The following SORL1 variants were observed in gnomAD, a reference collection of about 807,000 sequenced individuals.
SORL1 encodes the protein sortilin related receptor 1.
A neutral mutation model predicts 273.7 loss-of-function variants in SORL1; 127 were observed. The ratio of observed to expected loss-of-function variants is 0.46; its 90% CI spans 0.40 to 0.54. The LOEUF (loss-of-function observed/expected upper bound fraction) is 0.54. Among genes scored for constraint, SORL1 ranks in the 20% least tolerant of loss-of-function variants. The pLI, the probability that SORL1 is intolerant of heterozygous loss-of-function variation, is 0.00. For missense variants in SORL1, 2,494 were observed against 2,846.1 expected (o/e 0.88, Z 2.81); for synonymous variants, 1,031 against 1,067.4 (o/e 0.97, Z 0.66).
chr11:121,616,781 T>C lies in SORL1; in HGVS notation c.5604+1726T>C, dbSNP rs188131213. 2.0e-5 allele frequency among the ~76,000 whole-genome samples: 3 copies of C among 152,380 alleles called. No homozygotes were observed. In the East Asian group the frequency reaches 5.8e-4, roughly 29 times the overall value. On this transcript the variant is annotated intron_variant, in intron 41 of 47. Coordinates refer to ENST00000260197, the MANE Select transcript of SORL1 (RefSeq NM_003105.6). ...TCTGTAAAATATATGAAAAGATTTA[T>C]TCTGAGCCAAATAGGAGTGACCATG...
At chr11:121,512,114 C>CT (rs1861889257) in intron 6 of SORL1, among the ~76,000 whole-genome samples, 1 of 152,122 alleles carries the variant, frequency 6.6e-6, no homozygotes, top group Non-Finnish European at 1.5e-5. Context: ...GAGTGGTGGA[C>CT]TTTCTTGAGA....
At chr11:121,574,593 C>T (rs556994555) in intron 24 of SORL1, among the ~76,000 whole-genome samples, 2 of 152,226 alleles carry the variant, frequency 1.3e-5, no homozygotes, top group African/African-American at 2.4e-5. Context: ...GAGACACTTG[C>T]GAACTGGGAC....
At chr11:121,538,976 C>G (rs971554324) in intron 12 of SORL1, among the ~76,000 whole-genome samples, 1 of 152,152 alleles carries the variant, frequency 6.6e-6, no homozygotes, top group African/African-American at 2.4e-5. Flanking sequence ...TGTGCCTGGC[C>G]CCGGCATTTA....
rs1862493709 is a variant in SORL1 at position 121,550,629 on chromosome 11, A to C, written c.2225A>C (p.Glu742Ala). 1 of 1,614,048 alleles carries C rather than the reference A, an allele frequency of 6.2e-7. No individual in the cohort carries two copies. The highest frequency in any genetic ancestry group is 1.3e-5 in the African/African-American group (1 of 74,938). ...GACACTTGTAGCGGAGGAGATGTTG[A>C]AGCGCGACTGGAAGGAGAGCTGGTC... ...SGDTCSGGDV[E>A]ARLEGELVPC... Residue 742 changes from glutamate (E) to alanine (A), a missense_variant, in exon 16 of 48, where the codon GAA becomes GCA. Physicochemically the swap from Glu to Ala is moderately radical, Grantham distance 107. Transcript: ENST00000260197. This position sits in a 1 kb window ranked among gnomAD's most constrained non-coding sequence, Gnocchi z 5.3.
At chr11:121,590,539 CTG>C in intron 30 of SORL1, 1 of 535,812 alleles carries the variant, frequency 1.9e-6, no homozygotes, top group Non-Finnish European at 3.3e-6. Context: ...CCCCCAGGTC[CTG>C]TGTGCTCCAC....
At chr11:121,591,922 C>T (rs1170332749) in intron 31 of SORL1, among the ~76,000 whole-genome samples, 2 of 152,188 alleles carry the variant, frequency 1.3e-5, no homozygotes, top group African/African-American at 4.8e-5. Flanking sequence ...CCCAGAAATT[C>T]TGATTCTATG....
At chr11:121,511,789 TGTTTGA>T (rs1159736920) in intron 6 of SORL1, among the ~76,000 whole-genome samples, 7 of 152,246 alleles carry the variant, frequency 4.6e-5, no homozygotes. Context: ...TTATGGGGCA[TGTTTGA>T]GCACAGGGTA....
intron 20 of SORL1, among the ~76,000 whole-genome samples, 174 bp from the exon 21 acceptor site, chr11:121,559,345 A>G (rs1862638876): frequency 6.6e-6 from 1 of 152,162 alleles, no homozygotes; most frequent in African/African-American, 2.4e-5. Context: ...GTGGGGTTAT[A>G]TGGTGAGGTT....
chr11:121,480,064 G>A (rs1861348871), intron 3 of SORL1, among the ~76,000 whole-genome samples: 1 of 152,162 alleles, frequency 6.6e-6, no homozygotes, highest in South Asian at 2.1e-4. Flanking sequence ...GCCCTGACCA[G>A]GGTCCAGCTC....
In SORL1 at chr11:121,618,926, G is replaced by A. The variant is rs943757133; in HGVS notation, c.5724+33G>A. 13 of 1,612,966 alleles carry A rather than the reference G, an allele frequency of 8.1e-6. No homozygotes were observed. In the African/African-American group the frequency reaches 9.4e-5, roughly 12 times the overall value. ...TCCCATACCGTTTCAGTTTTTTAAG[G>A]GATGTCTTAAGTCCTGGGCTCTGGT... On this transcript the variant is annotated intron_variant, in intron 42 of 47. Transcript: ENST00000260197.
rs559597255 is a variant in SORL1 at position 121,565,078 on chromosome 11, C to G, written c.3050-1862C>G. Among the ~76,000 whole-genome samples the G allele has an allele frequency of 2.0e-5, 3 of 152,314 alleles. 1 individual carries two copies. In the South Asian group the frequency reaches 6.2e-4, roughly 32 times the overall value. ...CTTTGAACTAAAGGAGCCATCTGTG[C>G]CCACTAATGGATCAGAGTGAAGGGA... is the stretch of plus-strand genomic sequence containing the variant. On this transcript the variant is annotated intron_variant, in intron 21 of 47. Coordinates refer to ENST00000260197, the MANE Select transcript of SORL1 (RefSeq NM_003105.6).
intron 6 of SORL1, among the ~76,000 whole-genome samples, chr11:121,498,546 G>T (rs1485049502): frequency 6.6e-6 from 1 of 152,090 alleles, no homozygotes; most frequent in East Asian, 1.9e-4. Context: ...CTCTTAACCG[G>T]GTTATTTCTA....
chr11:121,590,130 G>C lies in SORL1; in HGVS notation c.4169G>C (p.Arg1390Thr). 6.2e-7 allele frequency: 1 copy of C among 1,614,248 alleles called. No homozygotes were observed. ...HCIPNRWKCD[R>T]ENDCGDWSDE... The stretch of plus-strand genomic sequence containing the variant: ...ATCCCCAACAGATGGAAATGTGACA[G>C]GGAGAACGACTGTGGGGACTGGTCT... The change falls in exon 30 of 48, where the codon AGG (arginine) becomes ACG (threonine). Residue 1390 changes from arginine to threonine, a missense_variant. By Grantham distance (71) the Arg-to-Thr change is moderately conservative. Coordinates refer to ENST00000260197, the MANE Select transcript of SORL1 (RefSeq NM_003105.6).
intron 6 of SORL1, among the ~76,000 whole-genome samples, chr11:121,511,358 G>A (rs142580190): frequency 1.3e-5 from 2 of 152,128 alleles, no homozygotes; most frequent in East Asian, 3.9e-4. Flanking sequence ...CTCACAGTTG[G>A]AAGTCGTAAA....
Position 121,570,193 on chromosome 11 carries a change from AC to A in SORL1, c.3261del (p.Asn1087LysfsTer20). 1 of 1,614,046 alleles carries A rather than the reference AC, an allele frequency of 6.2e-7. No homozygotes were observed. Among genetic ancestry groups the A allele is most frequent in the Non-Finnish European group, 8.5e-7 (1 of 1,179,912 alleles). ...CTTCGCAACCAGTATCGCTGCAGCAACGGGAACTGTATCAACAGCATTTGGT... is the reference window on the plus strand; with the variant it reads ...CTTCGCAACCAGTATCGCTGCAGCAAGGGAACTGTATCAACAGCATTTGGT... ...TCLRNQYRCS[N>X]GNCINSIWWC... On this transcript the variant is annotated frameshift_variant, in exon 23 of 48. Coordinates refer to ENST00000260197, the MANE Select transcript of SORL1 (RefSeq NM_003105.6). LOFTEE classifies it high-confidence loss of function.
intron 5 of SORL1, among the ~76,000 whole-genome samples, chr11:121,494,884 G>A (rs1171303836): frequency 3.3e-5 from 5 of 152,100 alleles, no homozygotes; most frequent in African/African-American, 1.2e-4. Flanking sequence ...TCTGGCTAGA[G>A]GAAGTACTTT....
chr11:121,468,411 T>C (rs895736286), intron 1 of SORL1, among the ~76,000 whole-genome samples: 1 of 152,172 alleles, frequency 6.6e-6, no homozygotes, highest in Non-Finnish European at 1.5e-5. Context: ...CTTCTGAGTG[T>C]TGGACCACCT....
intron 8 of SORL1, among the ~76,000 whole-genome samples, chr11:121,520,232 C>G (rs1253074619): frequency 3.9e-5 from 6 of 152,174 alleles, no homozygotes; most frequent in Non-Finnish European, 1.5e-5. Context: ...CACTGCACTC[C>G]TGCCTGGGCA....
chr11:121,593,834 G>A (rs2134905078), intron 31 of SORL1, among the ~76,000 whole-genome samples: 1 of 152,256 alleles, frequency 6.6e-6, no homozygotes, highest in East Asian at 1.9e-4. Flanking sequence ...TCCATCTCCT[G>A]TTGGAACTCC....
Sources: gnomAD v4.1 joint callset for allele counts (sites outside exome capture counted in the v4.1 genomes callset) on GRCh38, gnomAD v4.1.1 for gene constraint, Gnocchi (gnomAD v3.1) non-coding constraint, MANE v1.5 for transcripts, NCBI Gene and HGNC (gene_info 2026-07-23, HGNC 2026-07-21) for gene names.